RIMKLB: variants seen among roughly 807,000 people sequenced by gnomAD.
The protein encoded by RIMKLB is ribosomal modification protein rimK like family member B.
A neutral mutation model predicts 32.0 loss-of-function variants in RIMKLB; 7 were observed. That is an observed-to-expected ratio of 0.22 (90% CI 0.12 to 0.41). The LOEUF is 0.41. RIMKLB is among the 10% of genes least tolerant of loss of function. The pLI, the probability that RIMKLB is intolerant of heterozygous loss-of-function variation, is 1.00. For missense variants in RIMKLB, 289 were observed against 498.7 expected (o/e 0.58, Z 4.00); for synonymous variants, 172 against 185.1 (o/e 0.93, Z 0.57).
intron 2 of RIMKLB, among the ~76,000 whole-genome samples, chr12:8,716,725 C>CTTTTTTTTTTTTTTTTTTTT (rs71451981): frequency 4.2e-5 from 4 of 95,158 alleles, no homozygotes; most frequent in Non-Finnish European, 6.1e-5. Flanking sequence ...TCTTTTCCTT[C>CTTTTTTTTTTTTTTTTTTTT]TTTTTTTTTT....
At chr12:8,733,794 GGATT>G (rs1472844655) in intron 2 of RIMKLB, among the ~76,000 whole-genome samples, 2 of 152,174 alleles carry the variant, frequency 1.3e-5, no homozygotes, top group African/African-American at 4.8e-5. Context: ...TGAGGTAGGA[GGATT>G]GATTGAGCAC....
intron 5 of RIMKLB, among the ~76,000 whole-genome samples, chr12:8,762,052 T>C (rs951185497): frequency 4.6e-5 from 7 of 152,108 alleles, no homozygotes; most frequent in African/African-American, 1.7e-4. Flanking sequence ...ATGTATGACC[T>C]GAAGTGCAGG....
chr12:8,697,521 A>T (rs909964828), upstream of RIMKLB, among the ~76,000 whole-genome samples: 2 of 151,796 alleles, frequency 1.3e-5, no homozygotes, highest in African/African-American at 2.4e-5. Flanking sequence ...CTAAGCAGGG[A>T]ATGTGAGGGC....
upstream of RIMKLB, among the ~76,000 whole-genome samples, chr12:8,680,626 G>A (rs1942390941): frequency 6.6e-6 from 1 of 152,106 alleles, no homozygotes; most frequent in Admixed American, 6.5e-5. Context: ...TTTCTTGCGC[G>A]AGATCCAAAA....
At chr12:8,705,240 G>A (rs749184931) in intron 1 of RIMKLB, among the ~76,000 whole-genome samples, 69 of 152,088 alleles carry the variant, frequency 4.5e-4, no homozygotes, top group African/African-American at 1.5e-3. Context: ...ACTTTGGGAG[G>A]CCAAGGCAGG....
chr12:8,693,820 C>CT (rs1300902927), upstream of RIMKLB, among the ~76,000 whole-genome samples: 1 of 152,214 alleles, frequency 6.6e-6, no homozygotes, highest in Non-Finnish European at 1.5e-5. Context: ...GTTGTGTAAA[C>CT]TTGGGTCTTT....
rs1182850325 is a variant in RIMKLB at position 8,718,669 on chromosome 12, A to ATG, written c.175+4668_175+4669dup. ...TCTCTCTCTCTATATATATATATATATGTGTGTGTGTGTGTGTGTGTGTGT... is the reference window on the plus strand; with the variant it reads ...TCTCTCTCTCTATATATATATATATATGTGTGTGTGTGTGTGTGTGTGTGTGT... On this transcript the variant is annotated intron_variant, in intron 2 of 5. Coordinates refer to ENST00000535829, the MANE Select transcript of RIMKLB (RefSeq NM_001297776.2). Among the ~76,000 whole-genome samples the ATG allele has an allele frequency of 6.9e-3, 801 of 116,176 alleles. 6 individuals are homozygous for ATG. The highest frequency in any genetic ancestry group is 0.021 in the Middle Eastern group (5 of 238). 76.2% of individuals were successfully genotyped at this position (116,176 alleles called of 152,430 possible).
chr12:8,692,671 G>T (rs1408018623), upstream of RIMKLB, among the ~76,000 whole-genome samples: 1 of 152,186 alleles, frequency 6.6e-6, no homozygotes, highest in Non-Finnish European at 1.5e-5. Context: ...TCTGGCATCT[G>T]CATTTTCTTA....
chr12:8,780,751 TTAAC>T (rs961784700), downstream of RIMKLB: 2 of 152,230 alleles, frequency 1.3e-5, no homozygotes, highest in Non-Finnish European at 2.9e-5. Context: ...TAAGTTATCT[TTAAC>T]TAAGAATGTG....
chr12:8,711,789 C>CGGT, intron 1 of RIMKLB, among the ~76,000 whole-genome samples: 1 of 152,252 alleles, frequency 6.6e-6, no homozygotes, highest in Non-Finnish European at 1.5e-5. Context: ...CTGAGACCTT[C>CGGT]CCAAGTGGCC....
chr12:8,670,755 C>A, the RIMKLB span, among the ~76,000 whole-genome samples: 1 of 152,240 alleles, frequency 6.6e-6, no homozygotes, highest in Non-Finnish European at 1.5e-5. Flanking sequence ...GGGCTCCAAC[C>A]ACACATTTCC....
At chr12:8,684,587 T>C (rs1459858589) in intron 1 of RIMKLB, among the ~76,000 whole-genome samples, 1 of 152,188 alleles carries the variant, frequency 6.6e-6, no homozygotes, top group East Asian at 1.9e-4. Flanking sequence ...GTCTACTGTG[T>C]AGATTCTTTT....
At chr12:8,730,831 C>T (rs1196595955) in intron 2 of RIMKLB, among the ~76,000 whole-genome samples, 3 of 149,718 alleles carry the variant, frequency 2.0e-5, no homozygotes, top group African/African-American at 7.4e-5. Flanking sequence ...CCTCCTCCTC[C>T]CAGGTTCCAG....
At chr12:8,712,644 C>T (rs1944469762) in intron 1 of RIMKLB, among the ~76,000 whole-genome samples, 1 of 152,068 alleles carries the variant, frequency 6.6e-6, no homozygotes, top group South Asian at 2.1e-4. Context: ...GTGTGGCAGA[C>T]ATGGCATTTC....
chr12:8,693,345 TC>T (rs1323312414), upstream of RIMKLB, among the ~76,000 whole-genome samples: 1 of 152,028 alleles, frequency 6.6e-6, no homozygotes, highest in Non-Finnish European at 1.5e-5. Context: ...TATTATCCCA[TC>T]AAAAACTTTA....
At chr12:8,724,070 C>G (rs1319110466) in intron 2 of RIMKLB, among the ~76,000 whole-genome samples, 1 of 152,088 alleles carries the variant, frequency 6.6e-6, no homozygotes, top group African/African-American at 2.4e-5. Context: ...CTGCCCACCT[C>G]AGCCCCCAAA....
chr12:8,746,611 A>G (rs1004045482), intron 2 of RIMKLB, among the ~76,000 whole-genome samples: 8 of 151,874 alleles, frequency 5.3e-5, no homozygotes, highest in Non-Finnish European at 8.8e-5. Context: ...AAAAAAAAAA[A>G]AAAAAGAAAA....
upstream of RIMKLB, among the ~76,000 whole-genome samples, chr12:8,678,361 G>T (rs1041287014): frequency 1.3e-5 from 2 of 149,190 alleles, no homozygotes; most frequent in Non-Finnish European, 3.0e-5. Flanking sequence ...ATGGAGTTTC[G>T]CTCTCGTTGC....
intron 1 of RIMKLB, among the ~76,000 whole-genome samples, chr12:8,712,436 A>G (rs374982293): frequency 1.3e-5 from 2 of 152,212 alleles, no homozygotes; most frequent in Non-Finnish European, 2.9e-5. Context: ...AAATAAAAAT[A>G]AAAAGTTATT....
Sources: allele counts gnomAD v4.1 joint callset (sites outside exome capture counted in the v4.1 genomes callset), GRCh38; gene constraint gnomAD v4.1.1; transcripts MANE v1.5; gene names NCBI Gene and HGNC (gene_info 2026-07-23, HGNC 2026-07-21).